The following ATAD2B variants were observed in gnomAD, a reference collection of about 807,000 sequenced individuals.
ATAD2B encodes ATPase family AAA domain-containing protein 2B.
ATAD2B carries 40 observed loss-of-function variants against 167.6 expected under a neutral mutation model. The observed-to-expected ratio is 0.24, with a 90% CI of 0.19 to 0.31. The LOEUF (loss-of-function observed/expected upper bound fraction) is 0.31. Among genes scored for constraint, ATAD2B ranks in the 10% least tolerant of loss-of-function variants. ATAD2B has a pLI of 1.00. For missense variants in ATAD2B, 1,242 were observed against 1,757.2 expected, an observed-to-expected ratio of 0.71 and a Z score of 5.24; for synonymous variants, 579 against 596.5, an observed-to-expected ratio of 0.97 and a Z score of 0.43.
chr2:23,726,167 TG>T, the ATAD2B span, among the ~76,000 whole-genome samples: 1 of 152,190 alleles, frequency 6.6e-6, no homozygotes, highest in African/African-American at 2.4e-5. Context: ...AGCCAAAAAC[TG>T]GAAGCAACCC....
the ATAD2B span, among the ~76,000 whole-genome samples, chr2:23,740,093 T>C: frequency 6.6e-5 from 10 of 152,136 alleles, no homozygotes; most frequent in African/African-American, 2.4e-4. Flanking sequence ...CAGGACCAGA[T>C]GGATTCACAG....
At chr2:23,733,600 C>T in the ATAD2B span, among the ~76,000 whole-genome samples, 4 of 152,266 alleles carry the variant, frequency 2.6e-5, no homozygotes, top group African/African-American at 7.2e-5. Context: ...CACCTGGATG[C>T]CAAAATGTCC....
At chr2:23,848,823 TAA>T (rs1041884404) in intron 13 of ATAD2B, among the ~76,000 whole-genome samples, 1 of 152,182 alleles carries the variant, frequency 6.6e-6, no homozygotes, top group South Asian at 2.1e-4. Flanking sequence ...ACTAAATGTA[TAA>T]GTGTCCATTT....
chr2:23,752,448 A>T (rs1273863616), intron 27 of ATAD2B, among the ~76,000 whole-genome samples: 1 of 150,494 alleles, frequency 6.6e-6, no homozygotes, highest in African/African-American at 2.4e-5. Flanking sequence ...AGAGATTTCT[A>T]TATATAAAAT....
chr2:23,792,999 G>C (rs1185040000), intron 19 of ATAD2B, among the ~76,000 whole-genome samples: 2 of 124,710 alleles, frequency 1.6e-5, no homozygotes, highest in African/African-American at 6.0e-5. Context: ...AACTTGAGAA[G>C]ATTTCCTTCC....
chr2:23,711,216 C>T, the ATAD2B span, among the ~76,000 whole-genome samples: 9 of 151,754 alleles, frequency 5.9e-5, no homozygotes, highest in Admixed American at 3.9e-4. Flanking sequence ...CATGGAATTG[C>T]AGGCAATTTT....
chr2:23,719,245 G>A, the ATAD2B span, among the ~76,000 whole-genome samples: 1 of 152,016 alleles, frequency 6.6e-6, no homozygotes. Context: ...ACTGTAACAG[G>A]GCCCAGAACA....
At chr2:23,864,165 T>G (rs999323779) in intron 11 of ATAD2B, among the ~76,000 whole-genome samples, 1 of 151,928 alleles carries the variant, frequency 6.6e-6, no homozygotes, top group Non-Finnish European at 1.5e-5. Flanking sequence ...ACACCACCCC[T>G]AGCTAATTTT....
chr2:23,743,403 C>A, the ATAD2B span, among the ~76,000 whole-genome samples: 1 of 151,588 alleles, frequency 6.6e-6, no homozygotes, highest in Non-Finnish European at 1.5e-5. Context: ...CCCATCTCTG[C>A]GAAATAAAAA....
At chr2:23,809,540 AC>A (rs1685219957) in intron 18 of ATAD2B, among the ~76,000 whole-genome samples, 1 of 152,200 alleles carries the variant, frequency 6.6e-6, no homozygotes, top group African/African-American at 2.4e-5. Flanking sequence ...TTTAAGTGTT[AC>A]TACTCCAGTT....
intron 6 of ATAD2B, among the ~76,000 whole-genome samples, chr2:23,884,238 C>G (rs1471411564): frequency 6.6e-6 from 1 of 152,152 alleles, no homozygotes; most frequent in African/African-American, 2.4e-5. Context: ...CTGTCATGTT[C>G]CCAACTCTGG....
intron 6 of ATAD2B, among the ~76,000 whole-genome samples, chr2:23,883,124 A>G (rs529648194): frequency 6.6e-6 from 1 of 152,156 alleles, no homozygotes; most frequent in South Asian, 2.1e-4. Flanking sequence ...CAAAAATTAC[A>G]AAAGATTTAG....
chr2:23,679,976 GGGAGTGGA>G, the ATAD2B span, among the ~76,000 whole-genome samples: 1 of 152,214 alleles, frequency 6.6e-6, no homozygotes, highest in Non-Finnish European at 1.5e-5. Flanking sequence ...AGGGTCCCCT[GGGAGTGGA>G]GGAGGAGCGG....
At chr2:23,754,896 T>G in intron 25 of ATAD2B, 122 bp from the exon 26 acceptor site, 1 of 1,015,214 alleles carries the variant, frequency 9.9e-7, no homozygotes, top group Non-Finnish European at 1.4e-6. Flanking sequence ...GGGTGTATTC[T>G]TAAGTGATTT....
chr2:23,724,582 G>C, the ATAD2B span, among the ~76,000 whole-genome samples: 12 of 152,078 alleles, frequency 7.9e-5, no homozygotes, highest in African/African-American at 2.7e-4. Context: ...TGCAGACAGA[G>C]GATTTAAAGA....
chr2:23,731,273 T>C, the ATAD2B span, among the ~76,000 whole-genome samples: 1 of 152,370 alleles, frequency 6.6e-6, no homozygotes, highest in African/African-American at 2.4e-5. Context: ...ACCTTTCCTA[T>C]GTGACTTGCA....
intron 25 of ATAD2B, among the ~76,000 whole-genome samples, chr2:23,755,440 G>A (rs1478638993): frequency 2.6e-5 from 4 of 152,112 alleles, no homozygotes; most frequent in Non-Finnish European, 5.9e-5. Flanking sequence ...ATTTTAAGGT[G>A]GCTAAGCATA....
downstream of ATAD2B, among the ~76,000 whole-genome samples, chr2:23,747,059 A>C (rs879745991): frequency 3.2e-4 from 48 of 152,076 alleles, no homozygotes; most frequent in African/African-American, 1.1e-3. Flanking sequence ...ATGAATGAAA[A>C]AATGATTAAG....
At chr2:23,843,238 C>T (rs1691210185) in intron 13 of ATAD2B, among the ~76,000 whole-genome samples, 1 of 151,948 alleles carries the variant, frequency 6.6e-6, no homozygotes, top group South Asian at 2.1e-4. Context: ...ATGAACATAA[C>T]CAAATGGACA....
Sources: allele counts gnomAD v4.1 joint callset (sites outside exome capture counted in the v4.1 genomes callset), GRCh38; gene constraint gnomAD v4.1.1; transcripts MANE v1.5; gene names NCBI Gene and HGNC (gene_info 2026-07-23, HGNC 2026-07-21).